SUSD6: variants seen among roughly 807,000 people sequenced by gnomAD.
SUSD6 encodes sushi domain-containing protein 6.
SUSD6 carries 16 observed loss-of-function variants against 28.4 expected under a neutral mutation model. The observed-to-expected ratio is 0.56, with a 90% CI of 0.38 to 0.86. The LOEUF (loss-of-function observed/expected upper bound fraction) is 0.86. SUSD6 is among the 40% of genes least tolerant of loss of function. The pLI, the probability that SUSD6 is intolerant of heterozygous loss-of-function variation, is 0.00. For missense variants in SUSD6, 341 were observed against 384.2 expected (o/e 0.89, Z 0.94); for synonymous variants, 147 against 159.6 (o/e 0.92, Z 0.59).
chr14:69,642,878 G>A (rs1885373654), intron 1 of SUSD6, among the ~76,000 whole-genome samples: 1 of 152,090 alleles, frequency 6.6e-6, no homozygotes, highest in Admixed American at 6.5e-5. Context: ...AAACTCAAAG[G>A]GGTCCCTCTG....
At chr14:69,674,177 T>G (rs1885874136) in intron 2 of SUSD6, among the ~76,000 whole-genome samples, 1 of 152,194 alleles carries the variant, frequency 6.6e-6, no homozygotes, top group Non-Finnish European at 1.5e-5. Flanking sequence ...CTGTCGTGCC[T>G]GCCTATCTTA....
At chr14:69,623,388 G>C (rs1885070106) in intron 1 of SUSD6, among the ~76,000 whole-genome samples, 1 of 152,188 alleles carries the variant, frequency 6.6e-6, no homozygotes, top group Non-Finnish European at 1.5e-5. Context: ...TTACTCACCT[G>C]TTTGTGGTGA....
chr14:69,650,623 C>G (rs1039977813), intron 1 of SUSD6, among the ~76,000 whole-genome samples: 1 of 152,194 alleles, frequency 6.6e-6, no homozygotes, highest in Non-Finnish European at 1.5e-5. Flanking sequence ...TGTTCCTGCT[C>G]ACAGGCACTT....
chr14:69,652,573 AAGTGTTTGAT>A (rs986780872), intron 1 of SUSD6, among the ~76,000 whole-genome samples: 97 of 152,182 alleles, frequency 6.4e-4, no homozygotes, highest in Middle Eastern at 3.4e-3. Context: ...CCTTTAGGAG[AAGTGTTTGAT>A]AGTGTTTGAT....
intron 2 of SUSD6, among the ~76,000 whole-genome samples, chr14:69,684,426 T>G (rs1886042029): frequency 6.6e-6 from 1 of 152,210 alleles, no homozygotes; most frequent in Admixed American, 6.5e-5. Context: ...GGAAAATATT[T>G]TGAGAGAGAT....
At chr14:69,644,105 A>G (rs995491310) in intron 1 of SUSD6, among the ~76,000 whole-genome samples, 5 of 152,198 alleles carry the variant, frequency 3.3e-5, no homozygotes, top group African/African-American at 1.2e-4. Flanking sequence ...TATACACAAT[A>G]TACAGTAGAC....
intron 1 of SUSD6, among the ~76,000 whole-genome samples, chr14:69,617,961 C>G (rs971927937): frequency 6.6e-6 from 1 of 152,058 alleles, no homozygotes; most frequent in Non-Finnish European, 1.5e-5. Flanking sequence ...AGGTGTAACC[C>G]GAGGTTAAAA....
chr14:69,632,677 C>T (rs145577501), intron 1 of SUSD6, among the ~76,000 whole-genome samples: 1 of 150,792 alleles, frequency 6.6e-6, no homozygotes, highest in South Asian at 2.1e-4. Context: ...AAACACTGGG[C>T]AGATGGGAAG....
At chr14:69,705,777 T>C (rs1230805104) in intron 4 of SUSD6, among the ~76,000 whole-genome samples, 1 of 152,182 alleles carries the variant, frequency 6.6e-6, no homozygotes, top group Non-Finnish European at 1.5e-5. Flanking sequence ...TCAGTTTCCT[T>C]TTCCAGTCTA....
intron 2 of SUSD6, among the ~76,000 whole-genome samples, chr14:69,678,956 A>G (rs941911110): frequency 6.6e-6 from 1 of 152,224 alleles, no homozygotes; most frequent in African/African-American, 2.4e-5. Flanking sequence ...ATGCACTTCA[A>G]CTTTCTGCAT....
intron 2 of SUSD6, among the ~76,000 whole-genome samples, chr14:69,675,923 A>G (rs534004977): frequency 5.3e-5 from 8 of 151,222 alleles, no homozygotes; most frequent in East Asian, 3.9e-4. Context: ...TTTTTGTACT[A>G]TGTTGTTTTG....
chr14:69,639,156 G>A (rs2139601621), intron 1 of SUSD6, among the ~76,000 whole-genome samples: 2 of 151,874 alleles, frequency 1.3e-5, no homozygotes, highest in Non-Finnish European at 2.9e-5. Flanking sequence ...GTGAAACCCC[G>A]TCTCTACTAA....
At chr14:69,642,961 T>G (rs1327091239) in intron 1 of SUSD6, among the ~76,000 whole-genome samples, 2 of 152,206 alleles carry the variant, frequency 1.3e-5, no homozygotes, top group African/African-American at 4.8e-5. Context: ...TCTAGCCACT[T>G]GGGCCTCTCC....
chr14:69,637,485 T>C (rs1272803320), intron 1 of SUSD6, among the ~76,000 whole-genome samples: 4 of 152,158 alleles, frequency 2.6e-5, no homozygotes, highest in Non-Finnish European at 5.9e-5. Context: ...CCCAGTGCGC[T>C]CTGGGAACTG....
Position 69,622,813 on chromosome 14 carries a change from C to G in SUSD6, c.-81+10985C>G, listed in dbSNP as rs186911509. Among the ~76,000 whole-genome samples, 362 of 152,232 alleles carry G rather than the reference C, an allele frequency of 2.4e-3. 1 individual carries two copies. The highest frequency in any genetic ancestry group is 3.4e-3 in the Non-Finnish European group (231 of 68,024). On this transcript the variant is annotated intron_variant, in intron 1 of 5. Transcript: ENST00000342745. ...TTCACTATGTTGGTCAGGCTGGTCTCGAACTCCTGACCACAAGTGATCTGC... is the reference window on the plus strand; with the variant it reads ...TTCACTATGTTGGTCAGGCTGGTCTGGAACTCCTGACCACAAGTGATCTGC...
intron 2 of SUSD6, among the ~76,000 whole-genome samples, chr14:69,678,190 A>G (rs1594714407): frequency 6.6e-6 from 1 of 152,078 alleles, no homozygotes; most frequent in South Asian, 2.1e-4. Context: ...AAAAAAAAGT[A>G]TGTAACCTTC....
chr14:69,672,271 TG>T (rs1159836407), intron 2 of SUSD6, among the ~76,000 whole-genome samples: 1 of 152,144 alleles, frequency 6.6e-6, no homozygotes, highest in Non-Finnish European at 1.5e-5. Flanking sequence ...GCCTCATTCC[TG>T]GGAATAAAGA....
intron 1 of SUSD6, among the ~76,000 whole-genome samples, chr14:69,644,464 A>G (rs1227089135): frequency 6.6e-6 from 1 of 152,138 alleles, no homozygotes; most frequent in Non-Finnish European, 1.5e-5. Context: ...ATCCTGGCCA[A>G]CATGGTGAAA....
At chr14:69,699,498 C>T (rs867197617) in intron 2 of SUSD6, among the ~76,000 whole-genome samples, 3 of 151,982 alleles carry the variant, frequency 2.0e-5, no homozygotes, top group Non-Finnish European at 2.9e-5. Flanking sequence ...GCCACTGTAC[C>T]CAGCCTTTTC....
Sources: gnomAD v4.1 joint callset for allele counts (sites outside exome capture counted in the v4.1 genomes callset) on GRCh38, gnomAD v4.1.1 for gene constraint, MANE v1.5 for transcripts, NCBI Gene and HGNC (gene_info 2026-07-23, HGNC 2026-07-21) for gene names.